Variants in EXOSC3 observed in about 807,000 individuals in gnomAD.
EXOSC3 encodes exosome component 3.
EXOSC3 carries 18 observed loss-of-function variants against 25.1 expected under a neutral mutation model. That is an observed-to-expected ratio of 0.72 (90% CI 0.50 to 1.06). EXOSC3 has a LOEUF of 1.06. Ranked by LOEUF, EXOSC3 falls within the 50% of genes least tolerant of loss-of-function variation. The pLI is 0.00. For missense variants in EXOSC3, 382 were observed against 350.9 expected, an observed-to-expected ratio of 1.09 and a Z score of -0.71; for synonymous variants, 165 against 132.2, an observed-to-expected ratio of 1.25 and a Z score of -1.70.
chr9:37,783,977 C>T lies in EXOSC3; in HGVS notation c.411G>A (p.Glu137=), dbSNP rs771577074. Residue 137 remains glutamate (E), a synonymous_variant, in exon 2 of 4, where the codon GAG becomes GAA. Coordinates refer to ENST00000327304, the MANE Select transcript of EXOSC3 (RefSeq NM_016042.4). ...DIFKVDVGGS[E]PASLSYLSFE... ...ATGACAAGTAAGACAAAGAAGCTGGCTCACTCCCTCCAACATCAACTTTGA... is the reference window on the plus strand; with the variant it reads ...ATGACAAGTAAGACAAAGAAGCTGGTTCACTCCCTCCAACATCAACTTTGA... 1.2e-6 allele frequency: 2 copies of T among 1,613,908 alleles called. No individual in the cohort carries two copies. Among genetic ancestry groups the T allele is most frequent in the South Asian group, 2.2e-5 (2 of 91,064 alleles).
At position 37,780,587 on chromosome 9, in the gene EXOSC3, A is replaced by G. The variant is rs1352138670; in HGVS notation, c.*92T>C. 3 of 991,506 alleles carry G rather than the reference A, an allele frequency of 3.0e-6. No homozygotes were observed. Among genetic ancestry groups the G allele is most frequent in the Middle Eastern group, 6.4e-4 (2 of 3,126 alleles). The allele number at this position is 991,506 out of a possible 1,614,324, so 61.4% of individuals were successfully genotyped here. A position where few individuals can be genotyped will look rare whatever the true frequency, so the allele number is the denominator to read the frequency against. On this transcript the variant is annotated 3_prime_UTR_variant, in exon 4 of 4. Coordinates refer to ENST00000327304, the MANE Select transcript of EXOSC3 (RefSeq NM_016042.4). ...GGACTCTAATAATACATACATTCACACCTTATCTTCTGAGTATTTAAATGG... is the reference window on the plus strand; with the variant it reads ...GGACTCTAATAATACATACATTCACGCCTTATCTTCTGAGTATTTAAATGG...
In EXOSC3 at chr9:37,785,034, G is replaced by C. The variant is rs372128042; in HGVS notation, c.11C>G (p.Pro4Arg). Residue 4 changes from proline to arginine, a missense_variant, in exon 1 of 4, where the codon CCT becomes CGT. Coordinates refer to ENST00000327304, the MANE Select transcript of EXOSC3 (RefSeq NM_016042.4). ...GAGAGATTCAGCCGCGACAGACGCA[G>C]GTTCGGCCATCGCGGGCTCCACCAA... is the stretch of plus-strand genomic sequence containing the variant. MAE[P>R]ASVAAESLAG... 1.9e-6 allele frequency: 3 copies of C among 1,597,928 alleles called. No homozygotes were observed. The highest frequency in any genetic ancestry group is 4.5e-5 in the East Asian group (2 of 44,442).
chr9:37,781,979 G>GACTT lies in EXOSC3; in HGVS notation c.626+3_626+6dup. Reference sequence around the variant, plus strand: ...AAGCAGTCAAGCCAGCAGACATCAGGACTTACTTTCTAATTAAGCCCAGAG... The same window carrying GACTT: ...AAGCAGTCAAGCCAGCAGACATCAGGACTTACTTACTTTCTAATTAAGCCCAGAG... On this transcript the variant is annotated splice_region_variant and intron_variant, in intron 3 of 3. Coordinates refer to ENST00000327304, the MANE Select transcript of EXOSC3 (RefSeq NM_016042.4). The GACTT allele has an allele frequency of 6.2e-7, 1 of 1,612,004 alleles. No individual in the cohort carries two copies. The highest frequency in any genetic ancestry group is 1.1e-5 in the South Asian group (1 of 90,772).
At position 37,780,704 on chromosome 9, in the gene EXOSC3, A is replaced by C. The variant is rs1331509367; in HGVS notation, c.803T>G (p.Ile268Ser). 6.2e-7 allele frequency: 1 copy of C among 1,613,688 alleles called. No individual in the cohort carries two copies. Among genetic ancestry groups the C allele is most frequent in the Admixed American group, 1.7e-5 (1 of 59,998 alleles). ...TCAACTTTCTGCCAATCTGGAGAAG[A>C]TCTGTTTTCTTTGATCTGACGTCAT... ...EHMTSDQRKQ[I>S]FSRLAES Residue 268 changes from isoleucine to serine, a missense_variant, in exon 4 of 4, where the codon ATC (isoleucine) becomes AGC (serine). Coordinates refer to ENST00000327304, the MANE Select transcript of EXOSC3 (RefSeq NM_016042.4).
chr9:37,782,970 C>T (rs10973542), intron 2 of EXOSC3, among the ~76,000 whole-genome samples: 1 of 151,884 alleles, frequency 6.6e-6, no homozygotes, highest in Non-Finnish European at 1.5e-5. Flanking sequence ...GTTTAGCCTA[C>T]GTCTCAAAGA....
chr9:37,781,938 A>G (rs779053512), intron 3 of EXOSC3, 48 bp downstream of exon 3: 2 of 1,565,324 alleles, frequency 1.3e-6, no homozygotes, highest in South Asian at 2.4e-5. Context: ...ACTTTCCAAG[A>G]ATGTATAATT....
rs1828683301 is a variant in EXOSC3 at position 37,785,063 on chromosome 9, C to G, written c.-19G>C. 6.3e-7 allele frequency: 1 copy of G among 1,578,856 alleles called. No homozygotes were observed. Among genetic ancestry groups the G allele is most frequent in the South Asian group, 1.1e-5 (1 of 88,538 alleles). ...CGGCCATCGCGGGCTCCACCAAACACCGTTTCCGGTACCCGCCTTCCGCTT... is the reference window on the plus strand; with the variant it reads ...CGGCCATCGCGGGCTCCACCAAACAGCGTTTCCGGTACCCGCCTTCCGCTT... On this transcript the variant is annotated 5_prime_UTR_variant, in exon 1 of 4. Coordinates refer to ENST00000327304, the MANE Select transcript of EXOSC3 (RefSeq NM_016042.4).
At chr9:37,784,523 TG>T in intron 1 of EXOSC3, 197 bp downstream of exon 1, 1 of 646,760 alleles carries the variant, frequency 1.5e-6, no homozygotes, top group Non-Finnish European at 2.6e-6. Context: ...TTTTCTCTCC[TG>T]GTCGCCCTTC....
intron 3 of EXOSC3, among the ~76,000 whole-genome samples, 186 bp from the exon 4 acceptor site, chr9:37,781,066 G>C (rs1828584672): frequency 6.6e-6 from 1 of 152,094 alleles, no homozygotes. Flanking sequence ...AGGTATACTA[G>C]AAATCACAGA....
At chr9:37,785,089 C>G (rs938893424), upstream of EXOSC3, 6 of 1,542,786 alleles carry the variant, frequency 3.9e-6, no homozygotes, top group African/African-American at 8.1e-5. Flanking sequence ...CCTTCCGCTT[C>G]CGCTCCGCTT....
intron 1 of EXOSC3, 80 bp from the exon 2 acceptor site, chr9:37,784,143 G>T: frequency 6.9e-7 from 1 of 1,448,102 alleles, no homozygotes; most frequent in Non-Finnish European, 9.3e-7. Context: ...GTCCTTTGTG[G>T]TTACTTTATT....
rs781526423 is a variant in EXOSC3, at chr9:37,784,958, G to A, written c.87C>T (p.Leu29=). 3 of 1,612,972 alleles carry A rather than the reference G, an allele frequency of 1.9e-6. No homozygotes were observed. The African/African-American group carries it at 4.0e-5, about 22-fold the overall frequency. ...CCGGCAGGAGCAGCTCCTCACCCGG[G>A]AGCACCACCTGACCTAGTACTGTGC... The part of the protein sequence containing the change: ...AARTVLGQVV[L]PGEELLLPEQ... Residue 29 remains leucine, a synonymous_variant, in exon 1 of 4, where the codon CTC becomes CTT. Coordinates refer to ENST00000327304, the MANE Select transcript of EXOSC3 (RefSeq NM_016042.4).
At chr9:37,781,248 T>A (rs1457788026) in intron 3 of EXOSC3, among the ~76,000 whole-genome samples, 2 of 151,936 alleles carry the variant, frequency 1.3e-5, no homozygotes, top group South Asian at 4.2e-4. Context: ...TCTCTTGTGT[T>A]AAATTCAGTA....
At chr9:37,782,444 G>A (rs187809800) in intron 2 of EXOSC3, among the ~76,000 whole-genome samples, 2 of 152,276 alleles carry the variant, frequency 1.3e-5, no homozygotes, top group East Asian at 1.9e-4. Context: ...ATTAAAATTA[G>A]GTATTTAAAA....
chr9:37,784,890 G>C lies in EXOSC3; in HGVS notation c.155C>G (p.Pro52Arg), dbSNP rs766811932. 9 of 1,606,358 alleles carry C rather than the reference G, an allele frequency of 5.6e-6. No homozygotes were observed. Among genetic ancestry groups the C allele is most frequent in the East Asian group, 2.3e-5 (1 of 44,328 alleles). Residue 52 changes from proline (P) to arginine (R), a missense_variant, in exon 1 of 4, where the codon CCG (proline) becomes CGG (arginine). Pro to Arg is a moderately radical substitution (Grantham distance 103). Transcript: ENST00000327304. ...GCACGCTCTAGCATTCAGGCTCAAC[G>C]GTCGCTCCACTGCACCCCCAGGGCC... ...AEGPGGAVER[P>R]LSLNARACSR...
chr9:37,781,220 T>C (rs559127155), intron 3 of EXOSC3, among the ~76,000 whole-genome samples: 1 of 152,088 alleles, frequency 6.6e-6, no homozygotes, highest in Non-Finnish European at 1.5e-5. Context: ...TTTAAACTTA[T>C]TTTCCTGGCC....
At chr9:37,781,107 T>C (rs112522938) in intron 3 of EXOSC3, among the ~76,000 whole-genome samples, 37 of 152,152 alleles carry the variant, frequency 2.4e-4, no homozygotes, top group African/African-American at 8.7e-4. Context: ...GAAATCAAAC[T>C]CCCTAGGTTA....
chr9:37,781,008 G>T, intron 3 of EXOSC3, 128 bp from the exon 4 acceptor site: 1 of 731,744 alleles, frequency 1.4e-6, no homozygotes, highest in Non-Finnish European at 2.2e-6. Flanking sequence ...GGCACGTGAT[G>T]ACATTTGCTG....
chr9:37,783,007 A>T (rs776840240), intron 2 of EXOSC3, among the ~76,000 whole-genome samples: 2 of 152,198 alleles, frequency 1.3e-5, no homozygotes, highest in African/African-American at 2.4e-5. Context: ...TAGGGTGCGA[A>T]GGGATAGTGC....
Sources: gnomAD v4.1 joint callset for allele counts (sites outside exome capture counted in the v4.1 genomes callset) on GRCh38, gnomAD v4.1.1 for gene constraint, MANE v1.5 for transcripts, NCBI Gene and HGNC (gene_info 2026-07-23, HGNC 2026-07-21) for gene names.